The following CDH13 variants were observed in gnomAD, a reference collection of about 807,000 sequenced individuals.
CDH13 encodes cadherin 13.
CDH13 carries 24 observed loss-of-function variants against 63.8 expected under a neutral mutation model. The ratio of observed to expected loss-of-function variants is 0.38; its 90% confidence interval spans 0.27 to 0.53. CDH13 has a LOEUF of 0.53. CDH13 is among the 20% of genes least tolerant of loss of function. The pLI is 0.85. For synonymous variants in CDH13, 503 were observed against 355.3 expected (o/e 1.42, Z -4.67); for missense variants, 1,049 against 903.1 (o/e 1.16, Z -2.07).
At chr16:82,907,855 A>T (rs557046641) in intron 2 of CDH13, among the ~76,000 whole-genome samples, 18 of 152,262 alleles carry the variant, frequency 1.2e-4, no homozygotes, top group African/African-American at 4.1e-4. Flanking sequence ...TGTTCCCCCC[A>T]AAGTAGAGAT....
chr16:83,114,947 G>T (rs547008060), intron 3 of CDH13, among the ~76,000 whole-genome samples: 1 of 152,346 alleles, frequency 6.6e-6, no homozygotes, highest in Admixed American at 6.5e-5. Flanking sequence ...GGCTTCTGCA[G>T]TTCCATTCAT....
intron 7 of CDH13, among the ~76,000 whole-genome samples, chr16:83,512,263 G>A (rs2074586409): frequency 6.6e-6 from 1 of 151,364 alleles, no homozygotes; most frequent in African/African-American, 2.4e-5. Context: ...GAAGCTTGCA[G>A]TGAGCGGAGA....
chr16:82,799,243 ACAGTT>A (rs1401380456), intron 1 of CDH13, among the ~76,000 whole-genome samples: 5 of 152,218 alleles, frequency 3.3e-5, no homozygotes, highest in Non-Finnish European at 7.3e-5. Flanking sequence ...TTTTTGTTGT[ACAGTT>A]CAGTTCCTTG....
chr16:83,294,901 A>C (rs1235938858), intron 5 of CDH13, among the ~76,000 whole-genome samples: 1 of 152,144 alleles, frequency 6.6e-6, no homozygotes, highest in Non-Finnish European at 1.5e-5. Flanking sequence ...ATATGAAACC[A>C]CAAAAGACCA....
At chr16:82,742,382 T>A (rs2033972479) in intron 1 of CDH13, among the ~76,000 whole-genome samples, 1 of 152,112 alleles carries the variant, frequency 6.6e-6, no homozygotes, top group Non-Finnish European at 1.5e-5. Context: ...TTATAGTAAA[T>A]GAAAAGATCT....
chr16:82,814,621 C>T (rs2037612037), intron 1 of CDH13, among the ~76,000 whole-genome samples: 1 of 152,164 alleles, frequency 6.6e-6, no homozygotes, highest in Non-Finnish European at 1.5e-5. Flanking sequence ...CTATGCATCT[C>T]TTGGTGTGAC....
chr16:82,870,479 G>A (rs2040305716), intron 2 of CDH13, among the ~76,000 whole-genome samples: 1 of 152,130 alleles, frequency 6.6e-6, no homozygotes, highest in African/African-American at 2.4e-5. Context: ...ATATCTAAAA[G>A]AAAGGGCTGG....
chr16:83,137,525 T>C (rs1299504571), intron 4 of CDH13, among the ~76,000 whole-genome samples: 1 of 152,226 alleles, frequency 6.6e-6, no homozygotes, highest in East Asian at 1.9e-4. Context: ...CGGCTTTCTT[T>C]GTCTGGCAAG....
At chr16:83,416,887 T>C (rs547816017) in intron 6 of CDH13, among the ~76,000 whole-genome samples, 2 of 152,280 alleles carry the variant, frequency 1.3e-5, no homozygotes, top group Admixed American at 1.3e-4. Context: ...TATAAAATTA[T>C]TGAAATGGTT....
intron 1 of CDH13, among the ~76,000 whole-genome samples, chr16:82,845,578 G>T (rs1272082600): frequency 3.3e-5 from 5 of 152,112 alleles, no homozygotes; most frequent in Admixed American, 2.6e-4. Flanking sequence ...TGTCTCTGTG[G>T]ATTCAAGGTT....
At chr16:83,323,363 A>C (rs1290227657) in intron 5 of CDH13, among the ~76,000 whole-genome samples, 5 of 147,638 alleles carry the variant, frequency 3.4e-5, no homozygotes, top group Admixed American at 1.3e-4. Flanking sequence ...GCAAGCTCTG[A>C]CCCGCCTCCT....
At chr16:82,870,767 T>C (rs2040316151) in intron 2 of CDH13, among the ~76,000 whole-genome samples, 1 of 152,210 alleles carries the variant, frequency 6.6e-6, no homozygotes. Context: ...TATACAACTA[T>C]TATGTACCCA....
chr16:82,909,248 GTA>G (rs891564606), intron 2 of CDH13, among the ~76,000 whole-genome samples: 17 of 118,356 alleles, frequency 1.4e-4, no homozygotes, highest in East Asian at 4.9e-4. Context: ...AGGACTGACT[GTA>G]TATGTGTGTG....
intron 1 of CDH13, among the ~76,000 whole-genome samples, chr16:82,704,649 G>A (rs913094508): frequency 6.6e-6 from 1 of 152,262 alleles, no homozygotes; most frequent in Admixed American, 6.5e-5. Context: ...CTGGCCTGGG[G>A]GGTCCAGGAA....
At chr16:83,539,492 A>G (rs1334259219) in intron 7 of CDH13, among the ~76,000 whole-genome samples, 4 of 152,252 alleles carry the variant, frequency 2.6e-5, no homozygotes, top group Admixed American at 2.0e-4. Context: ...ATGCTAGTCC[A>G]CATGAAAGTG....
chr16:83,348,353 T>G (rs2090882731), intron 6 of CDH13, among the ~76,000 whole-genome samples: 1 of 152,156 alleles, frequency 6.6e-6, no homozygotes, highest in Admixed American at 6.5e-5. Flanking sequence ...GTTCTTCGGA[T>G]GAAATAGCCA....
intron 7 of CDH13, among the ~76,000 whole-genome samples, chr16:83,558,676 T>A (rs928368261): frequency 2.0e-5 from 3 of 152,168 alleles, no homozygotes; most frequent in African/African-American, 7.2e-5. Flanking sequence ...TGTATTTGAG[T>A]GTTAGTGTTC....
At chr16:83,171,707 C>T in intron 4 of CDH13, 1 of 695,920 alleles carries the variant, frequency 1.4e-6, no homozygotes. Context: ...TCTCCCATTT[C>T]CCCAGAACCT....
chr16:83,624,456 C>T (rs943053993), intron 8 of CDH13, among the ~76,000 whole-genome samples: 4 of 152,068 alleles, frequency 2.6e-5, no homozygotes, highest in Non-Finnish European at 5.9e-5. Flanking sequence ...CGGGATGACA[C>T]TGTTCCACCT....
Sources: gnomAD v4.1 joint callset for allele counts (sites outside exome capture counted in the v4.1 genomes callset) on GRCh38, gnomAD v4.1.1 for gene constraint, MANE v1.5 for transcripts, NCBI Gene and HGNC (gene_info 2026-07-23, HGNC 2026-07-21) for gene names.